The following TPRG1 variants were observed in gnomAD, a reference collection of about 807,000 sequenced individuals.
The protein encoded by TPRG1 is tumor protein p63-regulated gene 1 protein.
A neutral mutation model predicts 29.3 loss-of-function variants in TPRG1; 29 were observed. The observed-to-expected ratio is 0.99, with a 90% CI of 0.74 to 1.35. The LOEUF (loss-of-function observed/expected upper bound fraction) is 1.35. TPRG1 is among the 40% of genes most tolerant of loss of function. The probability of loss-of-function intolerance (pLI) is 0.00; values close to 1 mark genes in which losing one functional copy is unlikely to be tolerated. For missense variants in TPRG1, 327 were observed against 335.0 expected (o/e 0.98, Z 0.19); for synonymous variants, 130 against 116.8 (o/e 1.11, Z -0.73).
At chr3:189,109,665 C>T (rs1720269293) in intron 1 of TPRG1, among the ~76,000 whole-genome samples, 1 of 152,154 alleles carries the variant, frequency 6.6e-6, no homozygotes, top group African/African-American at 2.4e-5. Context: ...CAATCAATAA[C>T]TATTTTTCTT....
chr3:189,113,470 T>G (rs1720795527), intron 1 of TPRG1, among the ~76,000 whole-genome samples: 2 of 152,106 alleles, frequency 1.3e-5, no homozygotes, highest in Non-Finnish European at 2.9e-5. Context: ...TCAAAGGGAA[T>G]GCTTCCAGTT....
At chr3:189,312,095 TTG>T (rs1475442761) in intron 5 of TPRG1, among the ~76,000 whole-genome samples, 1 of 65,680 alleles carries the variant, frequency 1.5e-5, no homozygotes. Flanking sequence ...CTTTCTTTCT[TTG>T]TTTCTTTGTT....
intron 3 of TPRG1, among the ~76,000 whole-genome samples, chr3:189,008,018 G>A (rs965978530): frequency 6.7e-6 from 1 of 148,416 alleles, no homozygotes; most frequent in Non-Finnish European, 1.5e-5. Flanking sequence ...TGCACAATGT[G>A]CACATGTACC....
intron 3 of TPRG1, among the ~76,000 whole-genome samples, chr3:189,139,784 T>G (rs1463980054): frequency 6.6e-6 from 1 of 152,072 alleles, no homozygotes; most frequent in African/African-American, 2.4e-5. Context: ...AAATGTAATT[T>G]GCAATCAAGC....
intron 4 of TPRG1, among the ~76,000 whole-genome samples, chr3:189,298,810 A>G (rs1236994025): frequency 2.0e-5 from 3 of 152,220 alleles, no homozygotes; most frequent in East Asian, 3.8e-4. Flanking sequence ...GCTGAAAGAG[A>G]AAACAAATGA....
chr3:189,134,403 CTTTTTTTTTT>C (rs56318082), intron 3 of TPRG1, among the ~76,000 whole-genome samples: 34 of 121,190 alleles, frequency 2.8e-4, no homozygotes, highest in African/African-American at 7.8e-4. Context: ...TGGGGGTATC[CTTTTTTTTTT>C]TTTTTTTTTT....
chr3:189,246,889 T>C (rs945484559), intron 4 of TPRG1, among the ~76,000 whole-genome samples: 4 of 152,140 alleles, frequency 2.6e-5, no homozygotes, highest in Admixed American at 1.3e-4. Context: ...TTATGTTCTC[T>C]GGCTGCTTCA....
intron 1 of TPRG1, among the ~76,000 whole-genome samples, chr3:189,175,941 AC>A (rs935633065): frequency 6.6e-6 from 1 of 152,122 alleles, no homozygotes; most frequent in Non-Finnish European, 1.5e-5. Context: ...GGAAGCAGTC[AC>A]TCTATAAGGA....
intron 4 of TPRG1, among the ~76,000 whole-genome samples, chr3:189,083,850 A>G (rs548196065): frequency 5.1e-5 from 7 of 138,426 alleles, no homozygotes; most frequent in African/African-American, 2.0e-4. Context: ...TCATAGGAAC[A>G]CTGAGGATAG....
At chr3:189,191,089 T>C (rs1434464040) in intron 1 of TPRG1, 1 of 440,766 alleles carries the variant, frequency 2.3e-6, no homozygotes, top group Admixed American at 6.4e-5. Flanking sequence ...TATACATGTA[T>C]TCTTACTTTC....
intron 5 of TPRG1, 70 bp from the exon 6 acceptor site, chr3:189,320,556 C>T: frequency 7.3e-7 from 1 of 1,372,158 alleles, no homozygotes; most frequent in Non-Finnish European, 9.8e-7. Flanking sequence ...TGAAGACTGG[C>T]TGGGGAGATG....
chr3:189,215,237 A>C (rs780127083), intron 2 of TPRG1, 55 bp from the exon 3 acceptor site: 111 of 1,441,720 alleles, frequency 7.7e-5, no homozygotes, highest in Non-Finnish European at 1.0e-4. Flanking sequence ...ACTAATCATA[A>C]GCGCGAAGTG....
intron 1 of TPRG1, among the ~76,000 whole-genome samples, chr3:189,182,035 G>A (rs889586455): frequency 1.3e-5 from 2 of 152,126 alleles, no homozygotes; most frequent in South Asian, 2.1e-4. Context: ...CAGATCTCCC[G>A]AGACTTATTC....
chr3:189,169,795 C>T (rs565717587), upstream of TPRG1, among the ~76,000 whole-genome samples: 3 of 152,220 alleles, frequency 2.0e-5, no homozygotes, highest in Non-Finnish European at 2.9e-5. Context: ...TCCCATTGCA[C>T]GGAAGAGGCA....
intron 4 of TPRG1, among the ~76,000 whole-genome samples, chr3:189,259,174 G>A (rs887307661): frequency 3.9e-5 from 6 of 152,080 alleles, no homozygotes; most frequent in African/African-American, 1.4e-4. Flanking sequence ...GAAGATCGTG[G>A]GGAAAGCGTA....
intron 4 of TPRG1, among the ~76,000 whole-genome samples, chr3:189,303,087 T>C (rs957146754): frequency 6.6e-6 from 1 of 152,182 alleles, no homozygotes; most frequent in Admixed American, 6.5e-5. Flanking sequence ...GAAAGTATTA[T>C]AAGGGTTTTG....
intron 1 of TPRG1, among the ~76,000 whole-genome samples, chr3:189,182,168 G>A (rs747024425): frequency 1.3e-5 from 2 of 152,284 alleles, no homozygotes; most frequent in Non-Finnish European, 2.9e-5. Flanking sequence ...AACAACTTTG[G>A]AAGCCAACTA....
chr3:189,118,161 G>T (rs562095194), intron 1 of TPRG1, among the ~76,000 whole-genome samples: 1 of 152,176 alleles, frequency 6.6e-6, no homozygotes, highest in African/African-American at 2.4e-5. Context: ...ATGAAGTCTA[G>T]GCTGAGGTGG....
chr3:189,128,830 C>T (rs920650657), intron 2 of TPRG1, among the ~76,000 whole-genome samples: 3 of 152,220 alleles, frequency 2.0e-5, no homozygotes, highest in East Asian at 1.9e-4. Context: ...AGTGCAAGGG[C>T]GCAATCTCGG....
Sources: gnomAD v4.1 joint callset for allele counts (sites outside exome capture counted in the v4.1 genomes callset) on GRCh38, gnomAD v4.1.1 for gene constraint, MANE v1.5 for transcripts, NCBI Gene and HGNC (gene_info 2026-07-23, HGNC 2026-07-21) for gene names.